The following PPP1R12B variants were observed in gnomAD, a reference collection of about 807,000 sequenced individuals.
PPP1R12B encodes the protein myosin phosphatase target subunit 2.
PPP1R12B carries 76 observed loss-of-function variants against 126.1 expected under a neutral mutation model. The observed-to-expected ratio is 0.60, with a 90% CI of 0.50 to 0.73. PPP1R12B has a LOEUF of 0.73. Among genes scored for constraint, PPP1R12B ranks in the 30% least tolerant of loss-of-function variants. The probability of loss-of-function intolerance (pLI) is 0.00; values close to 1 mark genes in which losing one functional copy is unlikely to be tolerated. For missense variants in PPP1R12B, 1,052 were observed against 1,205.1 expected, an observed-to-expected ratio of 0.87 and a Z score of 1.88; for synonymous variants, 356 against 434.7, an observed-to-expected ratio of 0.82 and a Z score of 2.25.
chr1:202,382,244 AG>A lies in PPP1R12B; in HGVS notation c.291+33107del, dbSNP rs1191511928. ...ACAATGAGAACACTTGGACACTGGAAGGGGGACATCACACACTGGGGCCTGT... is the reference window on the plus strand; with the variant it reads ...ACAATGAGAACACTTGGACACTGGAAGGGGACATCACACACTGGGGCCTGT... On this transcript the variant is annotated intron_variant, in intron 1 of 23. Transcript: ENST00000608999. Among the ~76,000 whole-genome samples, 23 of 114,250 alleles carry A rather than the reference AG, an allele frequency of 2.0e-4. No individual in the cohort carries two copies. In the Admixed American group the frequency reaches 2.8e-3, roughly 14 times the overall value. The allele number at this position is 114,250 out of a possible 152,430, so 75.0% of individuals were successfully genotyped here. A position where few individuals can be genotyped will look rare whatever the true frequency, so the allele number is the denominator to read the frequency against.
intron 1 of PPP1R12B, among the ~76,000 whole-genome samples, chr1:202,386,038 A>G (rs1354188786): frequency 6.6e-6 from 1 of 150,786 alleles, no homozygotes; most frequent in Non-Finnish European, 1.5e-5. Context: ...GGTTCACACC[A>G]TTCTCCTGCC....
chr1:202,528,725 T>G (rs1034719552), intron 18 of PPP1R12B, among the ~76,000 whole-genome samples: 4 of 146,338 alleles, frequency 2.7e-5, no homozygotes, highest in East Asian at 1.9e-4. Context: ...GACTGAAAGG[T>G]TTTTTTTTTG....
chr1:202,466,821 T>G (rs1001571233), intron 13 of PPP1R12B, among the ~76,000 whole-genome samples: 1 of 152,204 alleles, frequency 6.6e-6, no homozygotes, highest in Non-Finnish European at 1.5e-5. Context: ...ACCAAATCTT[T>G]CTTTCCTCTA....
chr1:202,392,517 C>CT (rs909438166), intron 1 of PPP1R12B, among the ~76,000 whole-genome samples: 71 of 145,956 alleles, frequency 4.9e-4, no homozygotes, highest in African/African-American at 1.3e-3. Context: ...TACAGGACTT[C>CT]TTTTTTTTTT....
At chr1:202,392,665 G>A (rs1033510966) in intron 1 of PPP1R12B, among the ~76,000 whole-genome samples, 1 of 151,768 alleles carries the variant, frequency 6.6e-6, no homozygotes. Flanking sequence ...GGGACTACAG[G>A]CCCACACCAC....
chr1:202,438,337 C>T (rs1671102806), intron 10 of PPP1R12B: 1 of 1,164,668 alleles, frequency 8.6e-7, no homozygotes, highest in African/African-American at 1.5e-5. Flanking sequence ...CGGAGGGGGG[C>T]ACAGGACCCC....
In PPP1R12B at chr1:202,555,325, G is replaced by GAAAA. The variant is rs56752885; in HGVS notation, c.2491-3527_2491-3524dup. Reference sequence around the variant, plus strand: ...AAAACCCTAATTTTCCTGTTTTAATGAAAAAAAAAAAAAAAAAAAAAAAAA... The same window carrying GAAAA: ...AAAACCCTAATTTTCCTGTTTTAATGAAAAAAAAAAAAAAAAAAAAAAAAAAAAA... On this transcript the variant is annotated intron_variant, in intron 18 of 23. Coordinates refer to ENST00000608999, the MANE Select transcript of PPP1R12B (RefSeq NM_002481.4). Among the ~76,000 whole-genome samples, 51 of 25,354 alleles carry GAAAA rather than the reference G, an allele frequency of 2.0e-3. 10 individuals are homozygous for GAAAA. The highest frequency in any genetic ancestry group is 7.7e-3 in the African/African-American group (48 of 6,248). 16.6% of individuals were successfully genotyped at this position (25,354 alleles called of 152,430 possible).
chr1:202,405,147 ATCT>A (rs1666418013), intron 1 of PPP1R12B, among the ~76,000 whole-genome samples: 1 of 152,068 alleles, frequency 6.6e-6, no homozygotes, highest in South Asian at 2.1e-4. Flanking sequence ...TCAGAACTTT[ATCT>A]TCTTAGATTT....
chr1:202,504,919 C>T (rs2148881529), intron 18 of PPP1R12B, among the ~76,000 whole-genome samples: 1 of 152,270 alleles, frequency 6.6e-6, no homozygotes, highest in Non-Finnish European at 1.5e-5. Context: ...TGATTACAAT[C>T]CATTTAAATT....
chr1:202,392,542 G>A (rs1280581163), intron 1 of PPP1R12B, among the ~76,000 whole-genome samples: 2 of 148,900 alleles, frequency 1.3e-5, no homozygotes, highest in Non-Finnish European at 3.0e-5. Context: ...TTTTTTTTGA[G>A]ACAGTGTCTC....
chr1:202,351,249 A>G (rs1045488975), intron 1 of PPP1R12B, among the ~76,000 whole-genome samples: 6 of 151,744 alleles, frequency 4.0e-5, no homozygotes, highest in Non-Finnish European at 7.4e-5. Context: ...GTTTAAAAAA[A>G]AAAAAAACAG....
intron 23 of PPP1R12B, among the ~76,000 whole-genome samples, chr1:202,570,735 C>T (rs1459216048): frequency 6.6e-6 from 1 of 152,100 alleles, no homozygotes; most frequent in African/African-American, 2.4e-5. Flanking sequence ...CTATGTTGCC[C>T]TGGACTTGAA....
At chr1:202,373,661 TTG>T (rs1009537632) in intron 1 of PPP1R12B, among the ~76,000 whole-genome samples, 6 of 121,120 alleles carry the variant, frequency 5.0e-5, no homozygotes, top group African/African-American at 1.5e-4. Context: ...GAAGATATCT[TTG>T]TTTTTTTTTT....
At chr1:202,444,012 A>G (rs1671939549) in intron 12 of PPP1R12B, among the ~76,000 whole-genome samples, 1 of 152,246 alleles carries the variant, frequency 6.6e-6, no homozygotes, top group East Asian at 1.9e-4. Context: ...GGATTTCCAA[A>G]GCTTTTCTCC....
intron 12 of PPP1R12B, among the ~76,000 whole-genome samples, chr1:202,443,826 A>G (rs773661067): frequency 2.0e-5 from 3 of 152,222 alleles, no homozygotes; most frequent in Non-Finnish European, 4.4e-5. Context: ...GAGGTTGTTG[A>G]TTTTTGTGAT....
intron 12 of PPP1R12B, among the ~76,000 whole-genome samples, chr1:202,447,530 G>A (rs1401598787): frequency 6.6e-6 from 1 of 152,168 alleles, no homozygotes; most frequent in Non-Finnish European, 1.5e-5. Context: ...CTACATTTAA[G>A]CAAATGTTGT....
intron 13 of PPP1R12B, among the ~76,000 whole-genome samples, chr1:202,453,965 T>G (rs1673317355): frequency 6.6e-6 from 1 of 152,196 alleles, no homozygotes; most frequent in African/African-American, 2.4e-5. Context: ...ATAGCTCAAA[T>G]GTAATTTAGA....
intron 18 of PPP1R12B, among the ~76,000 whole-genome samples, chr1:202,537,622 G>C (rs1239057150): frequency 1.3e-5 from 2 of 152,176 alleles, no homozygotes; most frequent in Non-Finnish European, 2.9e-5. Flanking sequence ...AGACAAAGAG[G>C]CCAGTTTGTA....
intron 3 of PPP1R12B, 151 bp downstream of exon 3, chr1:202,422,889 T>C (rs1420278013): frequency 8.8e-7 from 1 of 1,140,032 alleles, no homozygotes; most frequent in Non-Finnish European, 1.2e-6. Flanking sequence ...TCCAGCATCA[T>C]GTATCCTCAT....
Sources: gnomAD v4.1 joint callset for allele counts (sites outside exome capture counted in the v4.1 genomes callset) on GRCh38, gnomAD v4.1.1 for gene constraint, MANE v1.5 for transcripts, NCBI Gene and HGNC (gene_info 2026-07-23, HGNC 2026-07-21) for gene names.